MEI4: variants seen among roughly 807,000 people sequenced by gnomAD.
MEI4 encodes the protein meiotic double-stranded break formation protein 4.
MEI4 carries 27 observed loss-of-function variants against 31.4 expected under a neutral mutation model. The observed-to-expected ratio is 0.86, with a 90% confidence interval of 0.63 to 1.19. The LOEUF is 1.19. MEI4 is among the 50% of genes most tolerant of loss of function. The probability of loss-of-function intolerance (pLI) is 0.00; values close to 1 mark genes in which losing one functional copy is unlikely to be tolerated. For synonymous variants in MEI4, 122 were observed against 145.4 expected (o/e 0.84, Z 1.16); for missense variants, 329 against 398.9 (o/e 0.82, Z 1.49).
chr6:77,916,738 G>C (rs1049239229), intron 4 of MEI4, among the ~76,000 whole-genome samples: 1 of 149,530 alleles, frequency 6.7e-6, no homozygotes, highest in Non-Finnish European at 1.5e-5. Context: ...CATCAATTCA[G>C]TCACATTTTC....
rs1023292572 is a variant in MEI4 at position 77,831,295 on chromosome 6, G to A, written c.900+2233G>A. Among the ~76,000 whole-genome samples the A allele has an allele frequency of 3.3e-5, 5 of 151,818 alleles. 1 individual carries two copies. The highest frequency in any genetic ancestry group is 1.2e-4 in the African/African-American group (5 of 41,396). On this transcript the variant is annotated intron_variant, in intron 4 of 4. Coordinates refer to ENST00000684080, the MANE Select transcript of MEI4 (RefSeq NM_001322247.2). The stretch of plus-strand genomic sequence containing the variant: ...GGAGAAAGGCAAATGCTCATAGACT[G>A]TTGGTAGGAATGTAAAGTAGTATAA...
intron 2 of MEI4, among the ~76,000 whole-genome samples, chr6:77,698,005 C>T (rs979662620): frequency 1.1e-4 from 17 of 152,164 alleles, no homozygotes; most frequent in Non-Finnish European, 2.5e-4. Context: ...GAATTGATCC[C>T]TTTGCCATTA....
intron 1 of MEI4, among the ~76,000 whole-genome samples, chr6:77,682,885 C>G (rs1209866776): frequency 6.6e-6 from 1 of 152,106 alleles, no homozygotes; most frequent in African/African-American, 2.4e-5. Flanking sequence ...GTGGAAATGG[C>G]TGAAGTCAAT....
At chr6:77,773,609 AAGGTTTC>A (rs1296579858) in intron 3 of MEI4, among the ~76,000 whole-genome samples, 1 of 152,110 alleles carries the variant, frequency 6.6e-6, no homozygotes, top group Non-Finnish European at 1.5e-5. Flanking sequence ...GGTCTGGGCA[AAGGTTTC>A]TTGAGTAATA....
intron 2 of MEI4, among the ~76,000 whole-genome samples, chr6:77,728,331 TAGAA>T (rs1394108453): frequency 4.6e-5 from 7 of 152,218 alleles, no homozygotes; most frequent in Non-Finnish European, 7.3e-5. Flanking sequence ...ATGATATAGT[TAGAA>T]AGGTATGAGC....
intron 3 of MEI4, among the ~76,000 whole-genome samples, chr6:77,817,069 T>G (rs548393898): frequency 6.6e-6 from 1 of 151,926 alleles, no homozygotes; most frequent in Non-Finnish European, 1.5e-5. Flanking sequence ...TCCCTAAATA[T>G]TCACACTTGT....
chr6:77,754,222 G>A (rs1767856620), intron 2 of MEI4, among the ~76,000 whole-genome samples: 1 of 152,024 alleles, frequency 6.6e-6, no homozygotes, highest in Non-Finnish European at 1.5e-5. Context: ...TGCATGTTCT[G>A]CACATGTACC....
At chr6:77,754,676 G>A (rs1767866759) in intron 2 of MEI4, among the ~76,000 whole-genome samples, 1 of 152,132 alleles carries the variant, frequency 6.6e-6, no homozygotes, top group Non-Finnish European at 1.5e-5. Flanking sequence ...CCCAAACTGG[G>A]TAATTTACAA....
intron 1 of MEI4, among the ~76,000 whole-genome samples, chr6:77,675,431 T>C (rs1768825593): frequency 6.6e-6 from 1 of 152,098 alleles, no homozygotes; most frequent in African/African-American, 2.4e-5. Context: ...ATGTGCTATA[T>C]GTGTCTAGTT....
chr6:77,698,407 G>C lies in MEI4; in HGVS notation c.232+7504G>C, dbSNP rs61818945. Reference sequence around the variant, plus strand: ...GCAGGTTTTTGCAGTGGCTGGTACCGGTTGTTCCTTTCTATGTTTAGTGCT... The same window carrying C: ...GCAGGTTTTTGCAGTGGCTGGTACCCGTTGTTCCTTTCTATGTTTAGTGCT... On this transcript the variant is annotated intron_variant, in intron 2 of 4. Transcript: ENST00000684080. Among the ~76,000 whole-genome samples, 5 of 152,096 alleles carry C rather than the reference G, an allele frequency of 3.3e-5. No homozygotes were observed. The South Asian group carries it at 1.0e-3, about 32-fold the overall frequency.
At chr6:77,865,509 C>T (rs1771000819) in intron 4 of MEI4, among the ~76,000 whole-genome samples, 1 of 152,174 alleles carries the variant, frequency 6.6e-6, no homozygotes, top group South Asian at 2.1e-4. Context: ...GACAAATACA[C>T]TCTCCCAAGA....
chr6:77,774,311 A>C (rs1395319912), intron 3 of MEI4, among the ~76,000 whole-genome samples: 1 of 152,102 alleles, frequency 6.6e-6, no homozygotes, highest in African/African-American at 2.4e-5. Context: ...ACATACACAG[A>C]ATGAAGTAGT....
intron 3 of MEI4, among the ~76,000 whole-genome samples, chr6:77,822,315 T>C (rs1769845218): frequency 6.6e-6 from 1 of 152,142 alleles, no homozygotes; most frequent in Non-Finnish European, 1.5e-5. Context: ...TGAAGTTTCA[T>C]ATTAACCTAT....
intron 4 of MEI4, among the ~76,000 whole-genome samples, chr6:77,906,343 A>G (rs536549138): frequency 3.8e-4 from 58 of 152,144 alleles, no homozygotes; most frequent in South Asian, 1.4e-3. Flanking sequence ...ATCATGCCTT[A>G]TGGGGTGGGT....
intron 2 of MEI4, among the ~76,000 whole-genome samples, chr6:77,737,477 G>A (rs1201289153): frequency 6.6e-6 from 1 of 152,192 alleles, no homozygotes; most frequent in African/African-American, 2.4e-5. Context: ...GACACTTGAG[G>A]AGTGCACGTT....
chr6:77,801,295 T>A (rs950543969), intron 3 of MEI4, among the ~76,000 whole-genome samples: 37 of 152,212 alleles, frequency 2.4e-4, no homozygotes, highest in South Asian at 1.7e-3. Flanking sequence ...TGTTTATAGT[T>A]TTCTCTGATG....
In MEI4 at chr6:77,923,339, G is replaced by GA; in HGVS notation, c.1155dup (p.Ter386IlefsTer24). On this transcript the variant is annotated frameshift_variant, in exon 5 of 5. Coordinates refer to ENST00000684080, the MANE Select transcript of MEI4 (RefSeq NM_001322247.2). LOFTEE classifies it high-confidence loss of function. ...AGCTCAGCACAGATAGAAACTCTTA[G>GA]AAAATAACTCCATTCCTTAGCAATT... 1 of 1,229,612 alleles carries GA rather than the reference G, an allele frequency of 8.1e-7. No individual in the cohort carries two copies. Among genetic ancestry groups the GA allele is most frequent in the South Asian group, 4.1e-5 (1 of 24,276 alleles). 76.2% of individuals were successfully genotyped at this position (1,229,612 alleles called of 1,614,324 possible). A position where few individuals can be genotyped will look rare whatever the true frequency, so the allele number is the denominator to read the frequency against.
At chr6:77,763,109 A>C (rs950371906) in intron 3 of MEI4, among the ~76,000 whole-genome samples, 2 of 152,116 alleles carry the variant, frequency 1.3e-5, no homozygotes, top group African/African-American at 2.4e-5. Context: ...GATATGACTT[A>C]AACCTATACA....
intron 3 of MEI4, among the ~76,000 whole-genome samples, chr6:77,799,940 CT>C (rs1769200138): frequency 1.3e-5 from 2 of 152,134 alleles, no homozygotes; most frequent in South Asian, 4.1e-4. Flanking sequence ...ATGCCTCCAG[CT>C]CTGTTCTTTT....
Sources: allele counts gnomAD v4.1 joint callset (sites outside exome capture counted in the v4.1 genomes callset), GRCh38; gene constraint gnomAD v4.1.1; transcripts MANE v1.5; gene names NCBI Gene and HGNC (gene_info 2026-07-23, HGNC 2026-07-21).